The following UNC45B variants were observed in gnomAD, a reference collection of about 807,000 sequenced individuals.
The protein encoded by UNC45B is unc-45 myosin chaperone B.
In UNC45B, 78 loss-of-function variants were observed where a neutral mutation model predicts 98.7. That is an observed-to-expected ratio of 0.79 (90% CI 0.66 to 0.95). The LOEUF (loss-of-function observed/expected upper bound fraction) is 0.95. UNC45B is among the 40% of genes least tolerant of loss of function. The pLI, the probability that UNC45B is intolerant of heterozygous loss-of-function variation, is 0.00. For synonymous variants in UNC45B, 462 were observed against 480.4 expected (o/e 0.96, Z 0.50); for missense variants, 1,225 against 1,184.9 (o/e 1.03, Z -0.50).
At chr17:35,153,617 T>C (rs1488076773) in intron 5 of UNC45B, among the ~76,000 whole-genome samples, 2 of 152,132 alleles carry the variant, frequency 1.3e-5, no homozygotes, top group African/African-American at 2.4e-5. Flanking sequence ...ATCCATAAAC[T>C]AGGCAAATAT....
chr17:35,183,298 G>T (rs1197479473), intron 18 of UNC45B, 129 bp from the exon 19 acceptor site: 5 of 1,013,630 alleles, frequency 4.9e-6, no homozygotes, highest in East Asian at 6.3e-5. Context: ...GGGGGAGGTA[G>T]CATGAGTGAC....
intron 19 of UNC45B, among the ~76,000 whole-genome samples, chr17:35,183,909 C>T (rs1160055566): frequency 1.3e-5 from 2 of 152,068 alleles, no homozygotes; most frequent in Non-Finnish European, 2.9e-5. Context: ...AAGAGAAGCA[C>T]GGATGTGGTT....
intron 13 of UNC45B, among the ~76,000 whole-genome samples, chr17:35,173,406 G>A (rs545309873): frequency 2.0e-5 from 3 of 152,080 alleles, no homozygotes; most frequent in East Asian, 1.9e-4. Context: ...AATTACAGGC[G>A]GGAGCCACCA....
At position 35,186,728 on chromosome 17, in the gene UNC45B, C is replaced by CCTG; in HGVS notation, c.*169_*170insCTG. On this transcript the variant is annotated 3_prime_UTR_variant, in exon 20 of 20. Coordinates refer to ENST00000394570, the MANE Select transcript of UNC45B (RefSeq NM_001267052.2). ...TGAGTTGTGAGTCTTCTCCTTTGTC[C>CCTG]TGACAGAGTTTGGATGTTTCACTCT... The CCTG allele has an allele frequency of 1.4e-6, 1 of 722,772 alleles. No individual in the cohort carries two copies. Among genetic ancestry groups the CCTG allele is most frequent in the Non-Finnish European group, 2.2e-6 (1 of 464,904 alleles). 44.8% of individuals were successfully genotyped at this position (722,772 alleles called of 1,614,324 possible). A position where few individuals can be genotyped will look rare whatever the true frequency, so the allele number is the denominator to read the frequency against.
chr17:35,157,193 T>C (rs2092069321), intron 7 of UNC45B, among the ~76,000 whole-genome samples: 1 of 152,072 alleles, frequency 6.6e-6, no homozygotes, highest in Admixed American at 6.5e-5. Context: ...CCAGGAGCCA[T>C]TTTTGCATCT....
intron 9 of UNC45B, among the ~76,000 whole-genome samples, chr17:35,166,204 G>A (rs2092140204): frequency 6.6e-6 from 1 of 151,584 alleles, no homozygotes; most frequent in Non-Finnish European, 1.5e-5. Context: ...GGAGGTCAAG[G>A]CTGCAATGAG....
At chr17:35,148,863 G>A in intron 2 of UNC45B, 110 bp from the exon 3 acceptor site, 1 of 1,361,926 alleles carries the variant, frequency 7.3e-7, no homozygotes, top group Non-Finnish European at 1.0e-6. Context: ...GCCTCTGACA[G>A]CCTGCAGCTC....
intron 9 of UNC45B, among the ~76,000 whole-genome samples, chr17:35,166,198 G>A (rs1465832003): frequency 8.6e-5 from 13 of 151,326 alleles, no homozygotes; most frequent in Admixed American, 8.6e-4. Flanking sequence ...AGCCCAGGAG[G>A]TCAAGGCTGC....
At chr17:35,176,825 G>A (rs915205942) in intron 15 of UNC45B, among the ~76,000 whole-genome samples, 192 bp from the exon 16 acceptor site, 4 of 152,182 alleles carry the variant, frequency 2.6e-5, no homozygotes, top group Non-Finnish European at 5.9e-5. Flanking sequence ...AGACCTGAAT[G>A]TGCACTGGGA....
rs144273754 is a variant in UNC45B at position 35,180,722 on chromosome 17, G to A, written c.2373+46G>A. ...GGAGACCCGGGCGTGATCAAGGCAC[G>A]AGAGGCAGGCCAGGGTCAGGGCCTG... On this transcript the variant is annotated intron_variant, in intron 18 of 19. Transcript: ENST00000394570. 14 of 1,506,562 alleles carry A rather than the reference G, an allele frequency of 9.3e-6. No homozygotes were observed. The African/African-American group carries it at 9.7e-5, about 10-fold the overall frequency. 93.3% of individuals were successfully genotyped at this position (1,506,562 alleles called of 1,614,324 possible). A position where few individuals can be genotyped will look rare whatever the true frequency, so the allele number is the denominator to read the frequency against.
chr17:35,160,927 G>T (rs960361205), intron 8 of UNC45B, among the ~76,000 whole-genome samples: 1 of 152,212 alleles, frequency 6.6e-6, no homozygotes, highest in East Asian at 1.9e-4. Context: ...AAAAGATTCA[G>T]ATCAGCTCTT....
intron 2 of UNC45B, 128 bp from the exon 3 acceptor site, chr17:35,148,845 T>C: frequency 1.8e-6 from 2 of 1,114,220 alleles, no homozygotes; most frequent in Non-Finnish European, 2.6e-6. Context: ...GTGAGGAGCA[T>C]GCCCTGGGCC....
chr17:35,178,292 G>A (rs2092250117), intron 17 of UNC45B, among the ~76,000 whole-genome samples: 1 of 152,234 alleles, frequency 6.6e-6, no homozygotes, highest in African/African-American at 2.4e-5. Flanking sequence ...CTGATAACCA[G>A]TGATGATGAG....
chr17:35,151,831 G>T (rs1055338235), intron 4 of UNC45B, among the ~76,000 whole-genome samples: 1 of 152,234 alleles, frequency 6.6e-6, no homozygotes, highest in Non-Finnish European at 1.5e-5. Flanking sequence ...GGGTGTGGTG[G>T]CTCACGCCTG....
In UNC45B at chr17:35,182,479, A is replaced by G. The variant is rs2092280148; in HGVS notation, c.2374-948A>G. On this transcript the variant is annotated intron_variant, in intron 18 of 19. Transcript: ENST00000394570. ...CTCTGCCACACTGGGAGTGGATTCC[A>G]TTCTGATGGTGAATGGGGAGACAGA... Among the ~76,000 whole-genome samples the G allele has an allele frequency of 2.6e-5, 4 of 152,170 alleles. No homozygotes were observed. In the South Asian group the frequency reaches 8.3e-4, roughly 32 times the overall value.
At chr17:35,148,917 C>T (rs1323337211) in intron 2 of UNC45B, 56 bp from the exon 3 acceptor site, 14 of 1,608,532 alleles carry the variant, frequency 8.7e-6, no homozygotes, top group Non-Finnish European at 1.1e-5. Flanking sequence ...ACTCTCTGGC[C>T]ATCTCTGCAT....
In UNC45B at chr17:35,148,392, C is replaced by A; in HGVS notation, c.129C>A (p.Ala43=). ...LKLTKDKALL[A]TLYRNRAACG... is the part of the protein sequence containing the mutation. ...TGACCAAGGACAAGGCCCTGCTGGC[C>A]ACGCTTTATCGGAACCGGGCAGCCT... is the stretch of plus-strand genomic sequence containing the variant. The change falls in exon 2 of 20, where the codon GCC becomes GCA. Residue 43 remains alanine (A), a synonymous_variant. Transcript: ENST00000394570. The A allele has an allele frequency of 6.2e-7, 1 of 1,614,052 alleles. No homozygotes were observed. Among genetic ancestry groups the A allele is most frequent in the Non-Finnish European group, 8.5e-7 (1 of 1,180,028 alleles).
At chr17:35,159,230 G>A (rs2092084536) in intron 7 of UNC45B, 145 bp from the exon 8 acceptor site, 2 of 814,688 alleles carry the variant, frequency 2.5e-6, no homozygotes, top group South Asian at 4.0e-5. Flanking sequence ...GGTGAGATGG[G>A]CAACACTATA....
At chr17:35,155,608 C>A in intron 7 of UNC45B, 144 bp downstream of exon 7, 1 of 841,746 alleles carries the variant, frequency 1.2e-6, no homozygotes, top group Non-Finnish European at 1.8e-6. Flanking sequence ...TGGGGTCTTA[C>A]TCTGTCACCC....
Sources: gnomAD v4.1 joint callset for allele counts (sites outside exome capture counted in the v4.1 genomes callset) on GRCh38, gnomAD v4.1.1 for gene constraint, MANE v1.5 for transcripts, NCBI Gene and HGNC (gene_info 2026-07-23, HGNC 2026-07-21) for gene names.